SPOCK1: variants seen among roughly 807,000 people sequenced by gnomAD.
SPOCK1 encodes testican-1.
Under a neutral mutation model 55.3 loss-of-function variants are expected in SPOCK1, and 23 were observed. The ratio of observed to expected loss-of-function variants is 0.42; its 90% CI spans 0.30 to 0.59. SPOCK1 has a LOEUF of 0.59. Ranked by LOEUF, SPOCK1 falls within the 20% of genes least tolerant of loss-of-function variation. The pLI, the probability that SPOCK1 is intolerant of heterozygous loss-of-function variation, is 0.22. For synonymous variants in SPOCK1, 226 were observed against 221.0 expected (o/e 1.02, Z -0.20); for missense variants, 499 against 552.5 (o/e 0.90, Z 0.97).
chr5:137,457,401 G>A (rs1339890397), intron 2 of SPOCK1, among the ~76,000 whole-genome samples: 2 of 152,138 alleles, frequency 1.3e-5, no homozygotes, highest in Non-Finnish European at 2.9e-5. Context: ...TGGGGCAGTG[G>A]GAGAGCATGA....
chr5:137,415,498 G>A (rs1219228807), intron 2 of SPOCK1, among the ~76,000 whole-genome samples: 1 of 152,230 alleles, frequency 6.6e-6, no homozygotes, highest in Non-Finnish European at 1.5e-5. Context: ...ATGACAGCCA[G>A]GTCCTTCCCT....
At chr5:137,230,073 C>T (rs771069016) in intron 3 of SPOCK1, among the ~76,000 whole-genome samples, 14 of 152,188 alleles carry the variant, frequency 9.2e-5, no homozygotes, top group Non-Finnish European at 1.9e-4. Flanking sequence ...CAGTCAGAGA[C>T]AAGATTGGAT....
intron 2 of SPOCK1, among the ~76,000 whole-genome samples, chr5:137,364,645 G>A (rs1475732168): frequency 6.6e-6 from 1 of 152,110 alleles, no homozygotes; most frequent in African/African-American, 2.4e-5. Context: ...ACTACAGTGG[G>A]ACTGTATGAA....
At chr5:137,452,511 T>C (rs147861513) in intron 2 of SPOCK1, among the ~76,000 whole-genome samples, 2 of 152,368 alleles carry the variant, frequency 1.3e-5, no homozygotes, top group East Asian at 1.9e-4. Context: ...TCAAGGTTTA[T>C]AACATAGTAG....
chr5:137,039,988 T>G (rs561342910), intron 6 of SPOCK1, among the ~76,000 whole-genome samples: 2 of 152,220 alleles, frequency 1.3e-5, no homozygotes, highest in Middle Eastern at 3.2e-3. Flanking sequence ...GGCTGGAGTC[T>G]GCCAAGGTTA....
intron 5 of SPOCK1, among the ~76,000 whole-genome samples, chr5:137,078,303 C>T (rs1329235011): frequency 6.6e-6 from 1 of 152,162 alleles, no homozygotes; most frequent in African/African-American, 2.4e-5. Flanking sequence ...TAAATGCCCT[C>T]GAGATGCCTG....
intron 2 of SPOCK1, among the ~76,000 whole-genome samples, chr5:137,355,467 G>A (rs1048482166): frequency 5.3e-5 from 8 of 152,164 alleles, no homozygotes; most frequent in African/African-American, 1.9e-4. Flanking sequence ...GGGATTACAG[G>A]AATGAGCCAC....
At chr5:137,389,622 A>G (rs1751673019) in intron 2 of SPOCK1, among the ~76,000 whole-genome samples, 1 of 152,214 alleles carries the variant, frequency 6.6e-6, no homozygotes. Context: ...GCACAGTGAC[A>G]TCCTCATCTC....
intron 3 of SPOCK1, among the ~76,000 whole-genome samples, chr5:137,257,914 A>G (rs886114157): frequency 5.9e-5 from 9 of 152,106 alleles, no homozygotes; most frequent in Middle Eastern, 3.2e-3. Context: ...CCCTGAGGAG[A>G]GCACTGTCAC....
At chr5:137,254,554 C>T (rs1756598180) in intron 3 of SPOCK1, among the ~76,000 whole-genome samples, 1 of 152,190 alleles carries the variant, frequency 6.6e-6, no homozygotes, top group Non-Finnish European at 1.5e-5. Flanking sequence ...TTATTGAGCA[C>T]ATCAGCATCC....
chr5:137,009,605 T>C (rs942665304), intron 6 of SPOCK1, among the ~76,000 whole-genome samples: 1 of 152,192 alleles, frequency 6.6e-6, no homozygotes, highest in Admixed American at 6.5e-5. Context: ...GCTTGAGTGA[T>C]ATGAACATAA....
At chr5:137,011,319 G>A (rs1239578387) in intron 6 of SPOCK1, among the ~76,000 whole-genome samples, 2 of 152,140 alleles carry the variant, frequency 1.3e-5, no homozygotes, top group Non-Finnish European at 2.9e-5. Flanking sequence ...ATAATGGTGT[G>A]GAGCACAGGC....
At chr5:136,997,153 G>A (rs922094681) in intron 6 of SPOCK1, among the ~76,000 whole-genome samples, 6 of 152,152 alleles carry the variant, frequency 3.9e-5, no homozygotes, top group African/African-American at 1.2e-4. Context: ...CCAATGGGCT[G>A]GTGTGTGAGC....
At chr5:137,068,792 G>A (rs1485589072) in intron 5 of SPOCK1, among the ~76,000 whole-genome samples, 1 of 152,164 alleles carries the variant, frequency 6.6e-6, no homozygotes, top group Non-Finnish European at 1.5e-5. Context: ...ACTGTGTGTG[G>A]CTAATTATGC....
intron 2 of SPOCK1, among the ~76,000 whole-genome samples, chr5:137,492,633 T>C (rs4976450): frequency 0.38 from 58,287 of 152,156 alleles, 11,256 homozygotes; most frequent in East Asian, 0.46. Flanking sequence ...AATGAGTCAG[T>C]GGCCCAGAGA....
intron 2 of SPOCK1, among the ~76,000 whole-genome samples, chr5:137,304,496 G>A (rs1212463095): frequency 1.3e-5 from 2 of 152,160 alleles, no homozygotes; most frequent in Non-Finnish European, 2.9e-5. Context: ...GCGGGGCGGG[G>A]GGACAGGAAC....
At chr5:137,455,192 T>G (rs957049132) in intron 2 of SPOCK1, among the ~76,000 whole-genome samples, 2 of 152,206 alleles carry the variant, frequency 1.3e-5, no homozygotes, top group African/African-American at 4.8e-5. Context: ...ATAATATTAC[T>G]TCACTTTCAT....
At chr5:137,083,222 C>T (rs537349704) in intron 5 of SPOCK1, among the ~76,000 whole-genome samples, 14 of 152,272 alleles carry the variant, frequency 9.2e-5, no homozygotes, top group Admixed American at 2.0e-4. Flanking sequence ...ATCTCCTTTC[C>T]TTCACTGCCT....
At chr5:137,113,568 T>C (rs953018514) in intron 4 of SPOCK1, among the ~76,000 whole-genome samples, 1 of 152,238 alleles carries the variant, frequency 6.6e-6, no homozygotes, top group South Asian at 2.1e-4. Context: ...AGGTATTTAA[T>C]GGTACAAATC....
Sources: gnomAD v4.1 joint callset for allele counts (sites outside exome capture counted in the v4.1 genomes callset) on GRCh38, gnomAD v4.1.1 for gene constraint, MANE v1.5 for transcripts, NCBI Gene and HGNC (gene_info 2026-07-23, HGNC 2026-07-21) for gene names.